The following NR2F1-AS1 variants were observed in gnomAD, a reference collection of about 807,000 sequenced individuals.
The protein encoded by NR2F1-AS1 is NR2F1 regulatory antisense RNA 1.
At chr5:93,536,856 T>C (rs887680739) in intron 4 of NR2F1-AS1, among the ~76,000 whole-genome samples, 60 of 152,282 alleles carry the variant, frequency 3.9e-4, no homozygotes, top group African/African-American at 1.4e-3. Context: ...TGGTGGGAGA[T>C]GATTGAATCA....
chr5:93,438,748 G>C lies in NR2F1-AS1; in HGVS notation n.639-43206C>G, dbSNP rs1041433132. 4.6e-5 allele frequency: 7 copies of C among 152,192 alleles called. No homozygotes were observed. The East Asian group carries it at 1.2e-3, about 25-fold the overall frequency. 9.4% of individuals were successfully genotyped at this position (152,192 alleles called of 1,614,324 possible). Reference sequence around the variant, plus strand: ...CCATTTGCGACTGTTTCACCTGAGGGGGAAAGGAGGTGGAAGAGGAGAAAA... The same window carrying C: ...CCATTTGCGACTGTTTCACCTGAGGCGGAAAGGAGGTGGAAGAGGAGAAAA... On this transcript the variant is annotated intron_variant and non_coding_transcript_variant, in intron 4 of 5. Coordinates refer to ENST00000660523, the Ensembl canonical transcript of NR2F1-AS1.
chr5:93,569,091 A>G (rs1268505654), intron 1 of NR2F1-AS1, among the ~76,000 whole-genome samples: 3 of 152,100 alleles, frequency 2.0e-5, no homozygotes, highest in African/African-American at 7.2e-5. Flanking sequence ...GTCTCTCCTC[A>G]TAGGTTTGAG....
chr5:93,573,795 T>G (rs1193893375), intron 1 of NR2F1-AS1, among the ~76,000 whole-genome samples: 1 of 152,164 alleles, frequency 6.6e-6, no homozygotes, highest in Non-Finnish European at 1.5e-5. Context: ...TTCCTCTTCC[T>G]GAAAGACAGC....
intron 4 of NR2F1-AS1, among the ~76,000 whole-genome samples, chr5:93,513,320 T>C (rs996698214): frequency 6.6e-6 from 1 of 152,120 alleles, no homozygotes; most frequent in Admixed American, 6.6e-5. Flanking sequence ...TGGGTATATA[T>C]CCAGAAGAAA....
intron 2 of NR2F1-AS1, among the ~76,000 whole-genome samples, chr5:93,561,463 G>C (rs1437070199): frequency 6.6e-6 from 1 of 151,918 alleles, no homozygotes; most frequent in African/African-American, 2.4e-5. Flanking sequence ...CCAAACATAG[G>C]TATTTTTTTT....
chr5:93,434,008 T>C (rs970400299), intron 4 of NR2F1-AS1, among the ~76,000 whole-genome samples: 1 of 152,090 alleles, frequency 6.6e-6, no homozygotes, highest in African/African-American at 2.4e-5. Flanking sequence ...TTCCATATGC[T>C]CTTTTTTTCC....
At chr5:93,557,916 G>T (rs1330626611) in intron 2 of NR2F1-AS1, among the ~76,000 whole-genome samples, 1 of 152,158 alleles carries the variant, frequency 6.6e-6, no homozygotes, top group African/African-American at 2.4e-5. Context: ...TACTTCAACA[G>T]TGTTCACAGC....
chr5:93,472,397 G>A (rs1450117362), intron 4 of NR2F1-AS1, among the ~76,000 whole-genome samples: 1 of 151,672 alleles, frequency 6.6e-6, no homozygotes, highest in African/African-American at 2.4e-5. Flanking sequence ...CTTGTGCCAG[G>A]AAATAGTAGG....
At chr5:93,517,255 TG>T (rs2038259843) in intron 4 of NR2F1-AS1, among the ~76,000 whole-genome samples, 1 of 152,008 alleles carries the variant, frequency 6.6e-6, no homozygotes, top group Non-Finnish European at 1.5e-5. Context: ...ATGTTTGTGC[TG>T]GCATTGTAGA....
intron 3 of NR2F1-AS1, among the ~76,000 whole-genome samples, chr5:93,554,561 TATTA>T (rs1007698533): frequency 1.3e-5 from 2 of 152,184 alleles, no homozygotes; most frequent in Non-Finnish European, 2.9e-5. Flanking sequence ...CATGCTTATT[TATTA>T]TTTAGAAGAA....
intron 4 of NR2F1-AS1, among the ~76,000 whole-genome samples, chr5:93,519,267 T>A (rs556301438): frequency 6.2e-4 from 94 of 152,092 alleles, no homozygotes; most frequent in Non-Finnish European, 7.2e-4. Context: ...ATAGCAGATT[T>A]ACATCTCACA....
At chr5:93,542,643 A>C (rs1751979455) in intron 4 of NR2F1-AS1, 2 of 152,220 alleles carry the variant, frequency 1.3e-5, no homozygotes, top group Non-Finnish European at 2.9e-5. Context: ...GATAATGGGG[A>C]ACTGTCATGC....
At chr5:93,455,497 A>T (rs1480555388) in intron 4 of NR2F1-AS1, among the ~76,000 whole-genome samples, 5 of 152,162 alleles carry the variant, frequency 3.3e-5, no homozygotes, top group Non-Finnish European at 7.4e-5. Context: ...AACCATACCA[A>T]TAACAACATT....
chr5:93,506,942 G>C (rs1002919663), intron 4 of NR2F1-AS1, among the ~76,000 whole-genome samples: 1 of 152,134 alleles, frequency 6.6e-6, no homozygotes, highest in Non-Finnish European at 1.5e-5. Context: ...GTCAAGCAAA[G>C]TGTGTCCATC....
chr5:93,433,154 C>T (rs1749360901), intron 4 of NR2F1-AS1, among the ~76,000 whole-genome samples: 1 of 152,208 alleles, frequency 6.6e-6, no homozygotes, highest in Admixed American at 6.5e-5. Flanking sequence ...AATTTCCCCA[C>T]TTTTGTTATA....
intron 4 of NR2F1-AS1, among the ~76,000 whole-genome samples, chr5:93,431,551 C>T (rs1749325285): frequency 6.6e-6 from 1 of 152,162 alleles, no homozygotes; most frequent in Non-Finnish European, 1.5e-5. Context: ...TAAGTAGACA[C>T]CAGGCAGCTT....
intron 4 of NR2F1-AS1, among the ~76,000 whole-genome samples, chr5:93,415,987 A>G (rs958990793): frequency 2.0e-5 from 3 of 152,218 alleles, no homozygotes; most frequent in African/African-American, 7.2e-5. Context: ...CCCATTTGCC[A>G]GTCATCGAAG....
intron 4 of NR2F1-AS1, among the ~76,000 whole-genome samples, chr5:93,467,374 A>G (rs1409255536): frequency 6.6e-6 from 1 of 151,948 alleles, no homozygotes; most frequent in African/African-American, 2.4e-5. Context: ...TATGCCATTC[A>G]CTCTTCAATT....
intron 2 of NR2F1-AS1, among the ~76,000 whole-genome samples, chr5:93,562,605 C>G (rs556704085): frequency 1.3e-5 from 2 of 152,184 alleles, no homozygotes; most frequent in African/African-American, 4.8e-5. Flanking sequence ...CAATTCCAAG[C>G]ATTTTTTCAA....
Sources: allele counts gnomAD v4.1 joint callset (sites outside exome capture counted in the v4.1 genomes callset), GRCh38; gene constraint gnomAD v4.1.1; transcripts MANE v1.5; gene names NCBI Gene and HGNC (gene_info 2026-07-23, HGNC 2026-07-21).